Variants in PRIM2 observed in about 807,000 individuals in gnomAD.
PRIM2 encodes the protein DNA primase subunit 2, also known as DNA primase large subunit.
Under a neutral mutation model 67.3 loss-of-function variants are expected in PRIM2, and 39 were observed. That is an observed-to-expected ratio of 0.58 (90% CI 0.45 to 0.76). PRIM2 has a LOEUF of 0.76. PRIM2 is among the 30% of genes least tolerant of loss of function. The pLI, the probability that PRIM2 is intolerant of heterozygous loss-of-function variation, is 0.00. For missense variants in PRIM2, 398 were observed against 598.7 expected (o/e 0.66, Z 3.50); for synonymous variants, 143 against 198.7 (o/e 0.72, Z 2.36).
chr6:57,296,060 T>C, the PRIM2 span, among the ~76,000 whole-genome samples: 4 of 152,046 alleles, frequency 2.6e-5, no homozygotes, highest in African/African-American at 4.8e-5. Flanking sequence ...GGACCTGAAA[T>C]GGAATACTAA....
At position 57,560,859 on chromosome 6, in the gene PRIM2, C is replaced by A. The variant is rs1457843531; in HGVS notation, c.1020+23234C>A. On this transcript the variant is annotated intron_variant, in intron 10 of 13. Coordinates refer to ENST00000615550, the MANE Select transcript of PRIM2 (RefSeq NM_000947.5). ...ACATTTTGCTGTTCCATTTAGAGGT[C>A]ACAGGCAGAGTAGAGTTAGCATAAT... is the stretch of plus-strand genomic sequence containing the variant. Among the ~76,000 whole-genome samples, 208 of 152,270 alleles carry A rather than the reference C, an allele frequency of 1.4e-3. 2 individuals are homozygous for A. Among genetic ancestry groups the A allele is most frequent in the Non-Finnish European group, 2.0e-3 (134 of 68,018 alleles).
At chr6:57,454,666 C>G (rs1772693999) in intron 7 of PRIM2, among the ~76,000 whole-genome samples, 1 of 151,716 alleles carries the variant, frequency 6.6e-6, no homozygotes, top group Admixed American at 6.6e-5. Flanking sequence ...CTATTTGATT[C>G]TTCTCTCTTT....
chr6:57,485,380 C>T (rs1264247754), intron 7 of PRIM2, among the ~76,000 whole-genome samples: 90 of 152,222 alleles, frequency 5.9e-4, no homozygotes, highest in Non-Finnish European at 1.0e-3. Context: ...CTGTTTTCCC[C>T]TCTTTGGGTA....
chr6:57,286,804 C>T, the PRIM2 span, among the ~76,000 whole-genome samples: 7 of 152,284 alleles, frequency 4.6e-5, no homozygotes, highest in African/African-American at 1.7e-4. Context: ...AAGAAACTAT[C>T]ATCAGAGTGA....
At chr6:57,487,576 C>T (rs1279518964) in intron 7 of PRIM2, among the ~76,000 whole-genome samples, 5 of 152,178 alleles carry the variant, frequency 3.3e-5, no homozygotes, top group Admixed American at 2.6e-4. Context: ...GTACTACAAG[C>T]ACTACATTTA....
upstream of PRIM2, among the ~76,000 whole-genome samples, chr6:57,316,318 A>AG (rs1283246059): frequency 6.6e-6 from 1 of 152,202 alleles, no homozygotes; most frequent in Non-Finnish European, 1.5e-5. Flanking sequence ...AGGCTGAGGC[A>AG]GGAGAATCGC....
intron 5 of PRIM2, among the ~76,000 whole-genome samples, chr6:57,355,843 T>C (rs866503162): frequency 6.6e-6 from 1 of 152,048 alleles, no homozygotes; most frequent in Non-Finnish European, 1.5e-5. Flanking sequence ...GGTTTTGCCA[T>C]GTTGCCTGGG....
chr6:57,559,470 G>A (rs1469597443), intron 10 of PRIM2, among the ~76,000 whole-genome samples: 2 of 152,066 alleles, frequency 1.3e-5, no homozygotes, highest in Non-Finnish European at 2.9e-5. Flanking sequence ...GGCCTACTCA[G>A]GTCAAGGTTC....
intron 7 of PRIM2, among the ~76,000 whole-genome samples, chr6:57,408,010 G>A: frequency 6.6e-6 from 1 of 152,250 alleles, no homozygotes; most frequent in East Asian, 1.9e-4. Context: ...ACCTGTATCT[G>A]TAATTTTTAT....
chr6:57,223,139 C>A, the PRIM2 span, among the ~76,000 whole-genome samples: 19 of 152,316 alleles, frequency 1.2e-4, no homozygotes, highest in African/African-American at 4.1e-4. Context: ...TCTGCAATTA[C>A]AGGCAATAAC....
chr6:57,466,578 A>T (rs1773200100), intron 7 of PRIM2, among the ~76,000 whole-genome samples: 1 of 152,172 alleles, frequency 6.6e-6, no homozygotes, highest in South Asian at 2.1e-4. Flanking sequence ...ACCAGTGCTG[A>T]TGAGCTTTTT....
chr6:57,240,544 C>T, the PRIM2 span, among the ~76,000 whole-genome samples: 1 of 152,162 alleles, frequency 6.6e-6, no homozygotes, highest in Non-Finnish European at 1.5e-5. Flanking sequence ...AAGAGGAATA[C>T]TCAGGACCCA....
At chr6:57,378,693 C>T (rs1381029215) in intron 5 of PRIM2, among the ~76,000 whole-genome samples, 3 of 151,966 alleles carry the variant, frequency 2.0e-5, no homozygotes, top group African/African-American at 7.3e-5. Flanking sequence ...CTTGGGATTC[C>T]CTGATATCCT....
intron 11 of PRIM2, among the ~76,000 whole-genome samples, chr6:57,602,102 C>G (rs1776479433): frequency 6.6e-6 from 1 of 151,282 alleles, no homozygotes; most frequent in Non-Finnish European, 1.5e-5. Context: ...TCTTGTTGCC[C>G]AGGCTGGAGT....
chr6:57,426,699 A>C (rs62401683), intron 7 of PRIM2, among the ~76,000 whole-genome samples: 1,624 of 152,370 alleles, frequency 0.011, 27 homozygotes, highest in African/African-American at 0.037. Context: ...ATGATTATTC[A>C]TAGCAGCTTT....
At chr6:57,502,031 C>T (rs1774142088) in intron 7 of PRIM2, among the ~76,000 whole-genome samples, 1 of 152,030 alleles carries the variant, frequency 6.6e-6, no homozygotes, top group South Asian at 2.1e-4. Context: ...GTGACCCAAC[C>T]CCCTCCACCA....
chr6:57,637,890 A>G (rs1777152335), intron 13 of PRIM2, among the ~76,000 whole-genome samples: 1 of 152,228 alleles, frequency 6.6e-6, no homozygotes, highest in South Asian at 2.1e-4. Context: ...AATTCAGGAA[A>G]TGCAGAGAAC....
At chr6:57,544,229 C>T (rs1389279209) in intron 10 of PRIM2, among the ~76,000 whole-genome samples, 2 of 150,526 alleles carry the variant, frequency 1.3e-5, no homozygotes, top group African/African-American at 2.4e-5. Context: ...AAGTTTATGG[C>T]GCGGTTGGAA....
chr6:57,575,367 A>G (rs1315608575), intron 10 of PRIM2, among the ~76,000 whole-genome samples: 6 of 152,206 alleles, frequency 3.9e-5, no homozygotes. Flanking sequence ...AGACTGCTGA[A>G]CACAACTATG....
Sources: gnomAD v4.1 joint callset for allele counts (sites outside exome capture counted in the v4.1 genomes callset) on GRCh38, gnomAD v4.1.1 for gene constraint, MANE v1.5 for transcripts, NCBI Gene and HGNC (gene_info 2026-07-23, HGNC 2026-07-21) for gene names.